Variants in TSPEAR observed in about 807,000 individuals in gnomAD.
The protein encoded by TSPEAR is thrombospondin type laminin G domain and EAR repeats.
TSPEAR carries 69 observed loss-of-function variants against 71.6 expected under a neutral mutation model. That is an observed-to-expected ratio of 0.96 (90% CI 0.79 to 1.18). The LOEUF (loss-of-function observed/expected upper bound fraction) is 1.18, where lower values mean the gene tolerates loss of function less well. TSPEAR is among the 50% of genes most tolerant of loss of function. The pLI, the probability that TSPEAR is intolerant of heterozygous loss-of-function variation, is 0.00. For synonymous variants in TSPEAR, 402 were observed against 387.2 expected, an observed-to-expected ratio of 1.04 and a Z score of -0.45; for missense variants, 971 against 894.9, an observed-to-expected ratio of 1.09 and a Z score of -1.09.
chr21:44,621,816 TG>T (rs1283551753), intron 1 of TSPEAR, among the ~76,000 whole-genome samples: 2 of 152,184 alleles, frequency 1.3e-5, no homozygotes, highest in African/African-American at 2.4e-5. Flanking sequence ...TTTGTATTTT[TG>T]TTCCTTTTGT....
At position 44,711,143 on chromosome 21, in the gene TSPEAR, C is replaced by G. The variant is rs1209743259; in HGVS notation, c.82+290G>C. ...TCCCGGGAGGCCCAGCAGGTAAGCA[C>G]TTGTGGAGGCCCCGGTGGCTGCTGG... On this transcript the variant is annotated intron_variant, in intron 1 of 11. Coordinates refer to ENST00000323084, the MANE Select transcript of TSPEAR (RefSeq NM_144991.3). This position sits in a 1 kb window ranked among gnomAD's most constrained non-coding sequence, Gnocchi z 4.5. Among the ~76,000 whole-genome samples, 1 of 152,202 alleles carries G rather than the reference C, an allele frequency of 6.6e-6. No individual in the cohort carries two copies. Among genetic ancestry groups the G allele is most frequent in the African/African-American group, 2.4e-5 (1 of 41,446 alleles).
rs184328453 is a variant in TSPEAR, at chr21:44,509,492, G to C, written c.1567-106C>G. ...GAGCGGGCGCAGAGGTGTGGGGGAG[G>C]GGGCGCAGAGGTGTGGGGGAGGGGG... On this transcript the variant is annotated intron_variant, in intron 9 of 11. Transcript: ENST00000323084. The C allele has an allele frequency of 1.3e-3, 561 of 430,062 alleles. 5 individuals carry two copies. The highest frequency in any genetic ancestry group is 6.6e-3 in the African/African-American group (185 of 28,018). The allele number at this position is 430,062 out of a possible 1,614,324, so 26.6% of individuals were successfully genotyped here.
At chr21:44,578,427 C>T (rs1450885156) in intron 1 of TSPEAR, among the ~76,000 whole-genome samples, 2 of 152,102 alleles carry the variant, frequency 1.3e-5, no homozygotes, top group Admixed American at 6.5e-5. Flanking sequence ...ATGCCAATCC[C>T]GAATGGCTTT....
intron 2 of TSPEAR, among the ~76,000 whole-genome samples, chr21:44,537,218 G>A (rs2053103973): frequency 6.6e-6 from 1 of 151,378 alleles, no homozygotes; most frequent in Non-Finnish European, 1.5e-5. Context: ...TAGAAAATAA[G>A]ATAGTGGCAC....
At chr21:44,615,295 C>A (rs1555932153) in intron 1 of TSPEAR, among the ~76,000 whole-genome samples, 1 of 152,266 alleles carries the variant, frequency 6.6e-6, no homozygotes, top group African/African-American at 2.4e-5. Flanking sequence ...CTCACCCGAC[C>A]CGCACACACG....
At chr21:44,536,180 C>G (rs587632862) in intron 2 of TSPEAR, among the ~76,000 whole-genome samples, 14 of 152,362 alleles carry the variant, frequency 9.2e-5, no homozygotes, top group African/African-American at 3.4e-4. Flanking sequence ...TGGCTGTTCA[C>G]ACTCTGGCCC....
chr21:44,646,847 C>T (rs4818952), intron 1 of TSPEAR: 1,182,193 of 1,612,962 alleles, frequency 0.73, 435,018 homozygotes, highest in African/African-American at 0.86. Flanking sequence ...TGCCGGCAGT[C>T]TAGCTGCCAG....
rs781882860 is a variant in TSPEAR, at chr21:44,504,767, G to T, written c.1856+13C>A. The stretch of plus-strand genomic sequence containing the variant: ...AAGGCTCTGGGAGGAGGCCGGCCTC[G>T]GCAGCTCATTACCTGTAAATAATAC... On this transcript the variant is annotated intron_variant, in intron 11 of 11. Transcript: ENST00000323084. 1 of 1,605,420 alleles carries T rather than the reference G, an allele frequency of 6.2e-7. No homozygotes were observed. Among genetic ancestry groups the T allele is most frequent in the Admixed American group, 1.7e-5 (1 of 59,968 alleles).
rs183859340 is a variant in TSPEAR at position 44,643,129 on chromosome 21, C to G, written c.82+68304G>C. On this transcript the variant is annotated intron_variant, in intron 1 of 11. Transcript: ENST00000323084. ...CTGTGACAACATGGATGAACCTGCA[C>G]ACACTATGCTAGGTGAAGTGACCCA... Among the ~76,000 whole-genome samples, 87 of 152,310 alleles carry G rather than the reference C, an allele frequency of 5.7e-4. 1 individual carries two copies. In the South Asian group the frequency reaches 6.2e-3, roughly 11 times the overall value.
intron 2 of TSPEAR, chr21:44,539,904 A>C: frequency 6.2e-7 from 1 of 1,613,862 alleles, no homozygotes; most frequent in Non-Finnish European, 8.5e-7. Context: ...TGGCAGCTAG[A>C]CTGCTGGCAG....
At chr21:44,668,710 C>T (rs1555945333) in intron 1 of TSPEAR, among the ~76,000 whole-genome samples, 1 of 152,130 alleles carries the variant, frequency 6.6e-6, no homozygotes, top group Non-Finnish European at 1.5e-5. Flanking sequence ...AATGGAATAG[C>T]ATAGAGAGCC....
At chr21:44,566,095 G>T (rs764098904) in intron 2 of TSPEAR, among the ~76,000 whole-genome samples, 1 of 152,098 alleles carries the variant, frequency 6.6e-6, no homozygotes, top group African/African-American at 2.4e-5. Flanking sequence ...CGGGAGAATC[G>T]CTTGAACCCA....
intron 1 of TSPEAR, among the ~76,000 whole-genome samples, chr21:44,707,603 A>T (rs1455980219): frequency 6.6e-6 from 1 of 152,144 alleles, no homozygotes; most frequent in Admixed American, 6.5e-5. Context: ...GCGGGGGAAA[A>T]GCCCTGGCCT....
At chr21:44,571,720 G>A (rs1267381921) in intron 1 of TSPEAR, among the ~76,000 whole-genome samples, 1 of 152,216 alleles carries the variant, frequency 6.6e-6, no homozygotes, top group Non-Finnish European at 1.5e-5. Context: ...GGCCGAAGTT[G>A]GAACCACTGC....
intron 2 of TSPEAR, chr21:44,551,368 A>G: frequency 6.2e-7 from 1 of 1,613,166 alleles, no homozygotes; most frequent in Non-Finnish European, 8.5e-7. Context: ...GGGGTGCCGC[A>G]GGGGAGCTCA....
chr21:44,512,241 G>A (rs907264338), intron 9 of TSPEAR, among the ~76,000 whole-genome samples: 2 of 150,720 alleles, frequency 1.3e-5, no homozygotes, highest in Non-Finnish European at 3.0e-5. Flanking sequence ...GCCGGAGGAG[G>A]CTTTTGAGCA....
chr21:44,503,974 C>T lies in TSPEAR; in HGVS notation c.1856+806G>A, dbSNP rs1238082118. On this transcript the variant is annotated intron_variant, in intron 11 of 11. Coordinates refer to ENST00000323084, the MANE Select transcript of TSPEAR (RefSeq NM_144991.3). ...GGGAGGAGGCCGGAGTTGGTGAGCCCTCGGCGGGGAAGCAAGGCTCTGGGA... is the reference window on the plus strand; with the variant it reads ...GGGAGGAGGCCGGAGTTGGTGAGCCTTCGGCGGGGAAGCAAGGCTCTGGGA... Among the ~76,000 whole-genome samples the T allele has an allele frequency of 5.5e-5, 8 of 144,336 alleles. 2 individuals are homozygous for T. Among genetic ancestry groups the T allele is most frequent in the African/African-American group, 1.9e-4 (7 of 37,308 alleles). 94.7% of individuals were successfully genotyped at this position (144,336 alleles called of 152,430 possible). A position where few individuals can be genotyped will look rare whatever the true frequency, so the allele number is the denominator to read the frequency against.
intron 1 of TSPEAR, among the ~76,000 whole-genome samples, chr21:44,674,415 G>A (rs1555946531): frequency 6.6e-6 from 1 of 152,038 alleles, no homozygotes; most frequent in Non-Finnish European, 1.5e-5. Flanking sequence ...CTGATACCAT[G>A]GAAATACAAA....
intron 1 of TSPEAR, among the ~76,000 whole-genome samples, chr21:44,688,298 C>CACT (rs10639525): frequency 0.46 from 69,453 of 151,674 alleles, 16,055 homozygotes; most frequent in South Asian, 0.55. Flanking sequence ...AGGAAGCCAA[C>CACT]ACTCAAACAG....
Sources: gnomAD v4.1 joint callset for allele counts (sites outside exome capture counted in the v4.1 genomes callset) on GRCh38, gnomAD v4.1.1 for gene constraint, Gnocchi (gnomAD v3.1) non-coding constraint, MANE v1.5 for transcripts, NCBI Gene and HGNC (gene_info 2026-07-23, HGNC 2026-07-21) for gene names.